RBFOX1: variants seen among roughly 807,000 people sequenced by gnomAD.
RBFOX1 encodes RNA binding fox-1 homolog 1, also known as RNA binding protein fox-1 homolog 1.
A neutral mutation model predicts 57.7 loss-of-function variants in RBFOX1; 8 were observed. The ratio of observed to expected loss-of-function variants is 0.14; its 90% CI spans 0.08 to 0.25. The LOEUF (loss-of-function observed/expected upper bound fraction) is 0.25. RBFOX1 is among the 10% of genes least tolerant of loss of function. The pLI is 1.00. For synonymous variants in RBFOX1, 326 were observed against 222.4 expected, an observed-to-expected ratio of 1.47 and a Z score of -4.15; for missense variants, 611 against 548.5, an observed-to-expected ratio of 1.11 and a Z score of -1.14.
At chr16:6,454,449 T>C (rs1442395939) in intron 2 of RBFOX1, among the ~76,000 whole-genome samples, 1 of 152,014 alleles carries the variant, frequency 6.6e-6, no homozygotes, top group Admixed American at 6.6e-5. Context: ...CCCAGCTATT[T>C]GGGAGGCTGA....
At chr16:7,661,105 G>C (rs1287516225) in intron 12 of RBFOX1, among the ~76,000 whole-genome samples, 3 of 152,120 alleles carry the variant, frequency 2.0e-5, no homozygotes, top group Non-Finnish European at 4.4e-5. Flanking sequence ...GTTACTATTA[G>C]GGAGAAAAAC....
rs142664301 is a variant in RBFOX1 at position 7,188,422 on chromosome 16, C to A, written c.27+136324C>A. Among the ~76,000 whole-genome samples the A allele has an allele frequency of 9.0e-3, 1,370 of 152,256 alleles. 23 individuals are homozygous for A. Among genetic ancestry groups the A allele is most frequent in the African/African-American group, 0.031 (1,280 of 41,516 alleles). ...TTAAAATTTGCATTGCAGTTAGTTT[C>A]AAAATGCTATTTAGAGGAAGCTTTT... On this transcript the variant is annotated intron_variant, in intron 4 of 15. Transcript: ENST00000550418.
intron 3 of RBFOX1, among the ~76,000 whole-genome samples, chr16:6,880,389 C>T (rs189608877): frequency 6.6e-6 from 1 of 152,278 alleles, no homozygotes; most frequent in Admixed American, 6.5e-5. Flanking sequence ...CACTGCAACC[C>T]ACCGCCCTGT....
chr16:7,586,125 A>T (rs1222047625), intron 6 of RBFOX1, among the ~76,000 whole-genome samples: 1 of 152,238 alleles, frequency 6.6e-6, no homozygotes, highest in Non-Finnish European at 1.5e-5. Context: ...TTAATTTTTA[A>T]TCACTCAAAG....
chr16:7,081,110 C>G (rs1177810634), intron 4 of RBFOX1, among the ~76,000 whole-genome samples: 1 of 152,178 alleles, frequency 6.6e-6, no homozygotes, highest in African/African-American at 2.4e-5. Flanking sequence ...TGTTGGCTCA[C>G]TGCAACCTCC....
At chr16:5,290,136 G>T (rs1011219324) in intron 1 of RBFOX1, among the ~76,000 whole-genome samples, 3 of 152,122 alleles carry the variant, frequency 2.0e-5, no homozygotes, top group Non-Finnish European at 4.4e-5. Flanking sequence ...GGTCACATAA[G>T]ATTTCATTTA....
chr16:7,494,035 G>A (rs11077194), intron 4 of RBFOX1, among the ~76,000 whole-genome samples: 90,922 of 152,082 alleles, frequency 0.6, 27,997 homozygotes, highest in East Asian at 0.75. Context: ...TTATTGGCTT[G>A]TGAATGATTT....
intron 3 of RBFOX1, among the ~76,000 whole-genome samples, chr16:6,879,215 A>T (rs1204688243): frequency 6.6e-6 from 1 of 152,170 alleles, no homozygotes; most frequent in African/African-American, 2.4e-5. Flanking sequence ...TATTTTTATG[A>T]TTATTCAATG....
At chr16:6,865,114 A>G (rs1421141856) in intron 3 of RBFOX1, among the ~76,000 whole-genome samples, 4 of 139,678 alleles carry the variant, frequency 2.9e-5, no homozygotes, top group African/African-American at 1.1e-4. Flanking sequence ...GCAATTCTCC[A>G]CCCTTAGCCT....
chr16:7,405,334 C>G (rs117011231), intron 4 of RBFOX1, among the ~76,000 whole-genome samples: 1 of 152,210 alleles, frequency 6.6e-6, no homozygotes, highest in Non-Finnish European at 1.5e-5. Context: ...GGAAAGCCTT[C>G]AGCTGCGATG....
intron 4 of RBFOX1, among the ~76,000 whole-genome samples, chr16:7,325,661 G>C (rs1360876926): frequency 6.6e-6 from 1 of 152,122 alleles, no homozygotes; most frequent in Non-Finnish European, 1.5e-5. Flanking sequence ...GTAATCTGGA[G>C]AGAGGTTGGT....
intron 4 of RBFOX1, among the ~76,000 whole-genome samples, chr16:7,143,701 C>G (rs907044135): frequency 6.6e-6 from 1 of 152,098 alleles, no homozygotes; most frequent in African/African-American, 2.4e-5. Context: ...TAAAACTTCT[C>G]CAAAGTCCTT....
chr16:7,041,574 A>T (rs967841508), intron 3 of RBFOX1, among the ~76,000 whole-genome samples: 4 of 152,200 alleles, frequency 2.6e-5, no homozygotes, highest in Admixed American at 2.0e-4. Context: ...GAATTAAAGG[A>T]AATGGAAGTT....
intron 14 of RBFOX1, among the ~76,000 whole-genome samples, chr16:7,695,675 C>G (rs776066648): frequency 2.1e-5 from 3 of 140,064 alleles, no homozygotes; most frequent in African/African-American, 7.9e-5. Context: ...AAAAAAAATC[C>G]TGCTGTGCCC....
At chr16:5,547,060 A>C (rs1004541600) in intron 2 of RBFOX1, among the ~76,000 whole-genome samples, 2 of 152,222 alleles carry the variant, frequency 1.3e-5, no homozygotes, top group Admixed American at 6.5e-5. Context: ...ATACCATTAT[A>C]CATCTTCTAG....
chr16:5,847,066 T>C (rs986295594), intron 3 of RBFOX1, among the ~76,000 whole-genome samples: 2 of 152,164 alleles, frequency 1.3e-5, no homozygotes, highest in African/African-American at 4.8e-5. Flanking sequence ...ACTAGCTCTC[T>C]TGTAGCAGGG....
intron 1 of RBFOX1, among the ~76,000 whole-genome samples, chr16:6,234,932 A>T (rs1370102773): frequency 2.0e-5 from 3 of 152,142 alleles, no homozygotes; most frequent in South Asian, 2.1e-4. Flanking sequence ...AAATGTTTCC[A>T]TTGGGGGAAA....
chr16:6,483,968 G>A (rs1222503364), intron 2 of RBFOX1: 3 of 1,031,672 alleles, frequency 2.9e-6, no homozygotes, highest in East Asian at 1.7e-4. Context: ...CTCAGGGCTC[G>A]CCCTGGGTGC....
At chr16:7,339,097 T>A (rs192778569) in intron 4 of RBFOX1, among the ~76,000 whole-genome samples, 1 of 152,148 alleles carries the variant, frequency 6.6e-6, no homozygotes, top group African/African-American at 2.4e-5. Context: ...CAGGTCCAGG[T>A]TGATATATAG....
Sources: allele counts gnomAD v4.1 joint callset (sites outside exome capture counted in the v4.1 genomes callset), GRCh38; gene constraint gnomAD v4.1.1; transcripts MANE v1.5; gene names NCBI Gene and HGNC (gene_info 2026-07-23, HGNC 2026-07-21).